REPS2: variants seen among roughly 807,000 people sequenced by gnomAD.
REPS2 encodes RALBP1 associated Eps domain containing 2, also known as ralBP1-associated Eps domain-containing protein 2.
Under a neutral mutation model 53.6 loss-of-function variants are expected in REPS2, and 23 were observed. The ratio of observed to expected loss-of-function variants is 0.43; its 90% CI spans 0.31 to 0.61. The LOEUF (loss-of-function observed/expected upper bound fraction) is 0.61, where lower values mean the gene tolerates loss of function less well. REPS2 is among the 20% of genes least tolerant of loss of function. The pLI is 0.11. For missense variants in REPS2, 446 were observed against 534.9 expected, an observed-to-expected ratio of 0.83 and a Z score of 1.64; for synonymous variants, 238 against 218.6, an observed-to-expected ratio of 1.09 and a Z score of -0.78.
At chrX:17,101,817 A>AT (rs201856025) in intron 13 of REPS2, among the ~76,000 whole-genome samples, 16 of 108,227 alleles carry the variant, frequency 1.5e-4, no homozygotes, top group South Asian at 7.9e-4. Context: ...GTTGTTTCAT[A>AT]TTTTTTTTTC....
intron 1 of REPS2, among the ~76,000 whole-genome samples, chrX:16,993,434 C>A (rs1175176821): frequency 9.0e-6 from 1 of 111,546 alleles, no homozygotes; most frequent in African/African-American, 3.3e-5. Flanking sequence ...GTAGAAAAGA[C>A]CCTGTGTGGG....
At chrX:16,992,086 G>T (rs941971628) in intron 1 of REPS2, among the ~76,000 whole-genome samples, 1 of 111,630 alleles carries the variant, frequency 9.0e-6, no homozygotes, top group Non-Finnish European at 1.9e-5. Flanking sequence ...TTGAATATTT[G>T]TGTCTCCCCC....
intron 13 of REPS2, among the ~76,000 whole-genome samples, chrX:17,089,249 A>G (rs973656551): frequency 4.5e-5 from 5 of 111,423 alleles, no homozygotes; most frequent in African/African-American, 9.8e-5. Flanking sequence ...AGCTCTAAAT[A>G]TAGCAAGAAT....
chrX:17,060,196 G>A (rs1286658103), intron 8 of REPS2, among the ~76,000 whole-genome samples: 1 of 110,488 alleles, frequency 9.1e-6, no homozygotes, highest in Admixed American at 9.6e-5. Context: ...CCAGCTACTC[G>A]GGTGGCTGAG....
chrX:17,015,333 C>CA (rs2061477934), intron 2 of REPS2, among the ~76,000 whole-genome samples: 1 of 112,063 alleles, frequency 8.9e-6, no homozygotes, highest in African/African-American at 3.2e-5. Context: ...TTAGTAGGAC[C>CA]ACTTTTCACT....
chrX:17,077,327 C>G lies in REPS2; in HGVS notation c.1436C>G (p.Thr479Ser). 1 of 1,210,135 alleles carries G rather than the reference C, an allele frequency of 8.3e-7. No individual in the cohort carries two copies. Among genetic ancestry groups the G allele is most frequent in the Non-Finnish European group, 1.1e-6 (1 of 894,382 alleles). Residue 479 changes from threonine (T) to serine (S), a missense_variant, in exon 13 of 18, where the codon ACC becomes AGC. Thr to Ser is a moderately conservative substitution (Grantham distance 58, BLOSUM62 1). Transcript: ENST00000357277. Reference protein sequence around the residue: ...EAMKRGEDPPTPPPRPQKTHS... With the variant: ...EAMKRGEDPPSPPPRPQKTHS... ...ATGAAAAGGGGCGAGGACCCTCCCA[C>G]CCCGCCACCTCGGCCACAGAAAACC...
intron 5 of REPS2, among the ~76,000 whole-genome samples, chrX:17,033,853 C>T (rs770067393): frequency 3.6e-5 from 4 of 111,855 alleles, no homozygotes; most frequent in South Asian, 3.8e-4. Flanking sequence ...GTCTGGCCCT[C>T]GCCTACCTCC....
intron 14 of REPS2, among the ~76,000 whole-genome samples, chrX:17,121,175 A>G (rs1315261728): frequency 2.7e-5 from 3 of 112,130 alleles, no homozygotes; most frequent in African/African-American, 9.7e-5. Context: ...AGACTCCTTC[A>G]TCCTTGAAGG....
chrX:17,178,268 T>G, the REPS2 span, among the ~76,000 whole-genome samples: 1 of 112,358 alleles, frequency 8.9e-6, no homozygotes, highest in Admixed American at 9.4e-5. Flanking sequence ...TCTGACCATG[T>G]AACCTTGTTC....
chrX:17,140,916 G>A (rs1039003493), intron 17 of REPS2, among the ~76,000 whole-genome samples: 2 of 109,690 alleles, frequency 1.8e-5, no homozygotes, highest in African/African-American at 3.3e-5. Flanking sequence ...GACTACAGGC[G>A]CCTGCCACCA....
intron 14 of REPS2, among the ~76,000 whole-genome samples, chrX:17,119,060 T>C (rs1390763751): frequency 8.9e-6 from 1 of 112,648 alleles, no homozygotes; most frequent in Non-Finnish European, 1.9e-5. Flanking sequence ...TTTACAAATA[T>C]TAACTCATTT....
At chrX:17,111,759 G>A (rs1031540282) in intron 14 of REPS2, among the ~76,000 whole-genome samples, 1 of 111,553 alleles carries the variant, frequency 9.0e-6, no homozygotes, top group African/African-American at 3.3e-5. Context: ...TGGACCTATC[G>A]CCCCTTCTAT....
chrX:17,000,404 T>C (rs2061292198), intron 1 of REPS2, among the ~76,000 whole-genome samples: 1 of 112,079 alleles, frequency 8.9e-6, no homozygotes. Context: ...TAGCTGGGAC[T>C]ACAGGCACGG....
At chrX:17,090,875 C>A (rs2148024966) in intron 13 of REPS2, among the ~76,000 whole-genome samples, 1 of 111,781 alleles carries the variant, frequency 8.9e-6, no homozygotes, top group South Asian at 3.7e-4. Flanking sequence ...ACGTTAAGAT[C>A]TTGAATCCAT....
chrX:17,056,776 T>C (rs2062077727), intron 8 of REPS2, among the ~76,000 whole-genome samples: 1 of 112,116 alleles, frequency 8.9e-6, no homozygotes, highest in East Asian at 2.8e-4. Context: ...AATTTTTGTA[T>C]ATGTATACAC....
At chrX:17,037,705 A>G (rs924838768) in intron 5 of REPS2, among the ~76,000 whole-genome samples, 3 of 112,727 alleles carry the variant, frequency 2.7e-5, no homozygotes, top group African/African-American at 9.7e-5. Flanking sequence ...TTAGCCTCCC[A>G]GAGGTAGCTG....
chrX:17,195,602 G>T, the REPS2 span, among the ~76,000 whole-genome samples: 6,846 of 111,785 alleles, frequency 0.061, 524 homozygotes, highest in African/African-American at 0.21. Context: ...AATTGTAAGG[G>T]TATGTACACA....
chrX:16,966,453 G>C (rs867004443), intron 1 of REPS2, among the ~76,000 whole-genome samples: 13 of 112,280 alleles, frequency 1.2e-4, no homozygotes, highest in African/African-American at 4.2e-4. Flanking sequence ...ATCTCTTGGG[G>C]ATGGGACCCA....
the REPS2 span, among the ~76,000 whole-genome samples, chrX:17,176,689 A>G: frequency 5.2e-3 from 583 of 112,171 alleles, 15 homozygotes; most frequent in Admixed American, 0.048. Flanking sequence ...CCCTTCGTGC[A>G]TAGGTCAGGG....
Sources: allele counts gnomAD v4.1 joint callset (sites outside exome capture counted in the v4.1 genomes callset), GRCh38; gene constraint gnomAD v4.1.1; transcripts MANE v1.5; gene names NCBI Gene and HGNC (gene_info 2026-07-23, HGNC 2026-07-21).